BRAF: variants seen among roughly 807,000 people sequenced by gnomAD.
BRAF encodes the protein serine/threonine-protein kinase B-raf.
In BRAF, 16 loss-of-function variants were observed where a neutral mutation model predicts 104.6. The observed-to-expected ratio is 0.15, with a 90% CI of 0.10 to 0.23. The LOEUF (loss-of-function observed/expected upper bound fraction) is 0.23. BRAF is among the 10% of genes least tolerant of loss of function. The pLI is 1.00. For synonymous variants in BRAF, 310 were observed against 341.6 expected, an observed-to-expected ratio of 0.91 and a Z score of 1.02; for missense variants, 541 against 937.3, an observed-to-expected ratio of 0.58 and a Z score of 5.52.
At chr7:140,896,834 A>C (rs1052105945) in intron 1 of BRAF, among the ~76,000 whole-genome samples, 1 of 133,032 alleles carries the variant, frequency 7.5e-6, no homozygotes, top group African/African-American at 2.9e-5. Flanking sequence ...ACTGTGCTCC[A>C]GCCTGGGTGA....
intron 14 of BRAF, among the ~76,000 whole-genome samples, chr7:140,765,221 G>A (rs921513726): frequency 3.9e-5 from 6 of 152,142 alleles, no homozygotes; most frequent in African/African-American, 1.2e-4. Flanking sequence ...CTTAATAAAC[G>A]GTGCTGGGAA....
Position 140,800,346 on chromosome 7 carries a change from A to C in BRAF, c.980+16T>G. On this transcript the variant is annotated intron_variant, in intron 7 of 19. Coordinates refer to ENST00000644969, the MANE Select transcript of BRAF (RefSeq NM_001374258.1). ...TTCAAGTAGCATGTCGCCCAAGAGC[A>C]GAAGTCAAACCATACCCAATAGAGT... 1 of 1,614,094 alleles carries C rather than the reference A, an allele frequency of 6.2e-7. No homozygotes were observed. Among genetic ancestry groups the C allele is most frequent in the African/African-American group, 1.3e-5 (1 of 75,064 alleles).
chr7:140,746,884 A>G (rs1797396543), intron 17 of BRAF, among the ~76,000 whole-genome samples: 1 of 151,764 alleles, frequency 6.6e-6, no homozygotes, highest in Non-Finnish European at 1.5e-5. Flanking sequence ...AGGTAGGTAG[A>G]CCTAGTCTAC....
At chr7:140,802,747 A>G (rs867876713) in intron 5 of BRAF, among the ~76,000 whole-genome samples, 29 of 152,222 alleles carry the variant, frequency 1.9e-4, no homozygotes, top group Admixed American at 1.8e-3. Flanking sequence ...TCAAGAGTCA[A>G]AAAGTTAAAA....
chr7:140,880,792 C>A (rs1006603702), intron 1 of BRAF, among the ~76,000 whole-genome samples: 37 of 145,810 alleles, frequency 2.5e-4, no homozygotes, highest in Middle Eastern at 3.4e-3. Flanking sequence ...GAAACATAGA[C>A]CCTGTCTCTA....
chr7:140,882,672 C>T (rs1485544371), intron 1 of BRAF, among the ~76,000 whole-genome samples: 1 of 151,762 alleles, frequency 6.6e-6, no homozygotes, highest in African/African-American at 2.4e-5. Context: ...GCCACAGCAC[C>T]CAGCCCTAAG....
intron 19 of BRAF, among the ~76,000 whole-genome samples, chr7:140,728,266 T>C (rs1246010248): frequency 6.6e-6 from 1 of 152,132 alleles, no homozygotes; most frequent in African/African-American, 2.4e-5. Flanking sequence ...GTCAAGTAAC[T>C]TGCCTGAGAT....
At chr7:140,746,602 G>A (rs1204641668) in intron 17 of BRAF, among the ~76,000 whole-genome samples, 3 of 151,954 alleles carry the variant, frequency 2.0e-5, no homozygotes, top group African/African-American at 4.8e-5. Flanking sequence ...AGGCTGAGGC[G>A]GGCAGATCAT....
At chr7:140,841,652 A>T (rs1807984024) in intron 2 of BRAF, among the ~76,000 whole-genome samples, 2 of 152,250 alleles carry the variant, frequency 1.3e-5, no homozygotes, top group African/African-American at 2.4e-5. Context: ...GCCACATAAT[A>T]TAATTCTATT....
At chr7:140,875,761 A>C (rs1470480475) in intron 1 of BRAF, among the ~76,000 whole-genome samples, 2 of 152,240 alleles carry the variant, frequency 1.3e-5, no homozygotes, top group African/African-American at 2.4e-5. Context: ...TTCTCAGCAG[A>C]AACCATGAAG....
At chr7:140,776,844 A>G in intron 14 of BRAF, 68 bp downstream of exon 13, 2 of 1,503,604 alleles carry the variant, frequency 1.3e-6, no homozygotes, top group African/African-American at 1.4e-5. Flanking sequence ...AATAGCAGCC[A>G]AAACCTTTAA....
At chr7:140,922,000 T>C (rs1818274963) in intron 1 of BRAF, among the ~76,000 whole-genome samples, 1 of 152,180 alleles carries the variant, frequency 6.6e-6, no homozygotes, top group Admixed American at 6.5e-5. Flanking sequence ...AAATTTAAAA[T>C]TATTTCTTGG....
chr7:140,804,965 C>T (rs1034503644), intron 5 of BRAF, among the ~76,000 whole-genome samples: 1 of 151,964 alleles, frequency 6.6e-6, no homozygotes, highest in Non-Finnish European at 1.5e-5. Context: ...ACCATGCCCA[C>T]CTACTTTTTG....
Position 140,722,927 on chromosome 7 carries a change from T to C in BRAF, c.*3567A>G. 9.5e-7 allele frequency: 1 copy of C among 1,055,554 alleles called. No homozygotes were observed. The highest frequency in any genetic ancestry group is 1.1e-6 in the Non-Finnish European group (1 of 873,256). The allele number at this position is 1,055,554 out of a possible 1,614,324, so 65.4% of individuals were successfully genotyped here. On this transcript the variant is annotated 3_prime_UTR_variant, in exon 20 of 20. Transcript: ENST00000644969. ...GCAACACATTTTTTTACAGTATTAC[T>C]GCTTAAATGTATAATGCCCTTTAGG...
chr7:140,725,789 A>G lies in BRAF; in HGVS notation c.*705T>C. The G allele has an allele frequency of 9.4e-7, 1 of 1,062,894 alleles. No individual in the cohort carries two copies. Among genetic ancestry groups the G allele is most frequent in the Non-Finnish European group, 1.1e-6 (1 of 877,788 alleles). The allele number at this position is 1,062,894 out of a possible 1,614,324, so 65.8% of individuals were successfully genotyped here. A position where few individuals can be genotyped will look rare whatever the true frequency, so the allele number is the denominator to read the frequency against. ...CCAGCACTATCTAGCCTGCTTGGTTAGACAGACCCCTCAGTGAGCAAGGAA... is the reference window on the plus strand; with the variant it reads ...CCAGCACTATCTAGCCTGCTTGGTTGGACAGACCCCTCAGTGAGCAAGGAA... On this transcript the variant is annotated 3_prime_UTR_variant, in exon 20 of 20. Coordinates refer to ENST00000644969, the MANE Select transcript of BRAF (RefSeq NM_001374258.1).
At position 140,794,299 on chromosome 7, in the gene BRAF, G is replaced by T; in HGVS notation, c.1140+9C>A. 6.2e-7 allele frequency: 1 copy of T among 1,613,698 alleles called. No homozygotes were observed. The highest frequency in any genetic ancestry group is 8.5e-7 in the Non-Finnish European group (1 of 1,179,916). On this transcript the variant is annotated intron_variant, in intron 8 of 19. Coordinates refer to ENST00000644969, the MANE Select transcript of BRAF (RefSeq NM_001374258.1). Reference sequence around the variant, plus strand: ...TTTTTTTTTAGTTCTAGCAATGCTGGATACTTACATCAATATTGACAGGTT... The same window carrying T: ...TTTTTTTTTAGTTCTAGCAATGCTGTATACTTACATCAATATTGACAGGTT...
At chr7:140,796,936 T>C (rs1802553188) in intron 7 of BRAF, among the ~76,000 whole-genome samples, 1 of 152,232 alleles carries the variant, frequency 6.6e-6, no homozygotes, top group African/African-American at 2.4e-5. Flanking sequence ...CCTGGTATCC[T>C]GATTCAATTT....
intron 1 of BRAF, among the ~76,000 whole-genome samples, chr7:140,895,245 C>A (rs554962182): frequency 6.6e-6 from 1 of 151,868 alleles, no homozygotes. Context: ...AATAAATGTA[C>A]GAAAAAAATC....
At chr7:140,742,270 C>T (rs904869706) in intron 17 of BRAF, among the ~76,000 whole-genome samples, 1 of 151,820 alleles carries the variant, frequency 6.6e-6, no homozygotes, top group African/African-American at 2.4e-5. Flanking sequence ...CGGCTCACTG[C>T]AACCTCCCCT....
Sources: allele counts gnomAD v4.1 joint callset (sites outside exome capture counted in the v4.1 genomes callset), GRCh38; gene constraint gnomAD v4.1.1; transcripts MANE v1.5; gene names NCBI Gene and HGNC (gene_info 2026-07-23, HGNC 2026-07-21).